Variants in ADCY8 observed in about 807,000 individuals in gnomAD.
ADCY8 encodes the protein adenylate cyclase type 8.
Under a neutral mutation model 119.7 loss-of-function variants are expected in ADCY8, and 51 were observed. That is an observed-to-expected ratio of 0.43 (90% CI 0.34 to 0.54). ADCY8 has a LOEUF of 0.54. Ranked by LOEUF, ADCY8 falls within the 20% of genes least tolerant of loss-of-function variation. ADCY8 has a pLI of 0.03. For missense variants in ADCY8, 1,383 were observed against 1,598.8 expected (o/e 0.87, Z 2.30); for synonymous variants, 665 against 651.0 (o/e 1.02, Z -0.33).
chr8:130,836,338 G>A lies in ADCY8; in HGVS notation c.2614C>T (p.Leu872Phe), dbSNP rs1276871579. Residue 872 changes from leucine to phenylalanine, a missense_variant, in exon 12 of 18, where the codon CTC (leucine) becomes TTC (phenylalanine). Around this residue, in one of 2 missense-constraint regions of ADCY8, gnomAD observed 928 missense variants for 1,163.5 expected, o/e 0.80. Transcript: ENST00000286355. ...LLIMIAIYALLTETVYAGLFL... is the reference protein window; with the variant it reads ...LLIMIAIYALFTETVYAGLFL... ...AGGCCTGCGTAGACGGTCTCAGTGA[G>A]CAGGGCATAGATGGCAATCATGATC... 1.9e-6 allele frequency: 3 copies of A among 1,613,838 alleles called. No homozygotes were observed. Among genetic ancestry groups the A allele is most frequent in the Admixed American group, 1.7e-5 (1 of 59,988 alleles).
chr8:130,970,490 A>G (rs941771490), intron 2 of ADCY8, among the ~76,000 whole-genome samples: 5 of 152,234 alleles, frequency 3.3e-5, no homozygotes, highest in South Asian at 4.1e-4. Context: ...CTGATTCTAC[A>G]TTATGGTGAC....
chr8:130,917,422 T>C (rs1820161712), intron 5 of ADCY8, among the ~76,000 whole-genome samples: 1 of 152,154 alleles, frequency 6.6e-6, no homozygotes, highest in African/African-American at 2.4e-5. Context: ...CCAAGCTGAA[T>C]GGTGTTTGGA....
chr8:130,838,453 G>A (rs1817051980), intron 11 of ADCY8, among the ~76,000 whole-genome samples: 1 of 152,152 alleles, frequency 6.6e-6, no homozygotes, highest in Admixed American at 6.5e-5. Context: ...TGTGTCTGAA[G>A]TGACTGGGCA....
chr8:130,810,912 C>T (rs1181003424), intron 14 of ADCY8, among the ~76,000 whole-genome samples: 1 of 152,140 alleles, frequency 6.6e-6, no homozygotes, highest in Admixed American at 6.5e-5. Context: ...CTCCACTGGT[C>T]CTATGTGCCT....
intron 14 of ADCY8, among the ~76,000 whole-genome samples, chr8:130,812,135 C>T (rs1358339492): frequency 6.6e-6 from 1 of 152,176 alleles, no homozygotes; most frequent in East Asian, 1.9e-4. Flanking sequence ...CTTGCCTGGG[C>T]CCTTTTAGAG....
intron 8 of ADCY8, among the ~76,000 whole-genome samples, chr8:130,869,921 TTCCTCC>T (rs142256411): frequency 6.8e-6 from 1 of 147,314 alleles, no homozygotes; most frequent in Non-Finnish European, 1.5e-5. Flanking sequence ...TACACTAAAA[TTCCTCC>T]TCCTCCTCCT....
intron 14 of ADCY8, among the ~76,000 whole-genome samples, chr8:130,803,060 C>T (rs1348751782): frequency 6.6e-6 from 1 of 152,200 alleles, no homozygotes; most frequent in Non-Finnish European, 1.5e-5. Flanking sequence ...TTTACTGGGA[C>T]CACCGCTGAG....
chr8:130,780,960 C>T (rs920861581), intron 17 of ADCY8, 83 bp from the exon 18 acceptor site: 5 of 1,546,260 alleles, frequency 3.2e-6, no homozygotes, highest in Admixed American at 3.5e-5. Context: ...GGACAGTGAT[C>T]ACTATGTGTG....
chr8:130,809,310 G>A (rs1219931139), intron 14 of ADCY8, among the ~76,000 whole-genome samples: 1 of 152,142 alleles, frequency 6.6e-6, no homozygotes, highest in Non-Finnish European at 1.5e-5. Context: ...TTCCTTCCCT[G>A]AGCCTCAGTT....
intron 2 of ADCY8, among the ~76,000 whole-genome samples, chr8:130,958,760 G>C (rs2130677219): frequency 6.6e-6 from 1 of 152,082 alleles, no homozygotes. Context: ...TACAATTCAA[G>C]GTGAGATTTG....
chr8:130,910,036 TGCCTCA>T (rs1198405357), intron 5 of ADCY8, among the ~76,000 whole-genome samples, 170 bp from the exon 6 acceptor site: 1 of 151,382 alleles, frequency 6.6e-6, no homozygotes, highest in Admixed American at 6.6e-5. Flanking sequence ...GCTATTCTCC[TGCCTCA>T]GCCTTGATGG....
At chr8:130,975,005 G>C (rs530786586) in intron 2 of ADCY8, among the ~76,000 whole-genome samples, 1 of 152,208 alleles carries the variant, frequency 6.6e-6, no homozygotes, top group East Asian at 1.9e-4. Flanking sequence ...TCTGACCTAT[G>C]CCCTTTATAA....
chr8:130,858,796 A>C (rs553630579), intron 9 of ADCY8, among the ~76,000 whole-genome samples: 2 of 152,308 alleles, frequency 1.3e-5, no homozygotes, highest in East Asian at 3.9e-4. Flanking sequence ...TTATAAATAA[A>C]TATTACATTG....
chr8:130,848,731 C>T (rs757606640), intron 10 of ADCY8, among the ~76,000 whole-genome samples: 1 of 152,166 alleles, frequency 6.6e-6, no homozygotes, highest in African/African-American at 2.4e-5. Flanking sequence ...TGGAACCAAA[C>T]AAATCACCTC....
intron 5 of ADCY8, 38 bp downstream of exon 5, chr8:130,937,035 T>A (rs1056375054): frequency 6.3e-7 from 1 of 1,588,052 alleles, no homozygotes; most frequent in Non-Finnish European, 8.6e-7. Flanking sequence ...ATCGTGCACA[T>A]TGAAGACCCA....
At chr8:130,915,568 C>T (rs1038149069) in intron 5 of ADCY8, among the ~76,000 whole-genome samples, 2 of 152,104 alleles carry the variant, frequency 1.3e-5, no homozygotes, top group African/African-American at 4.8e-5. Context: ...TCTCAGTCTT[C>T]CCAGGTGCAA....
intron 4 of ADCY8, among the ~76,000 whole-genome samples, chr8:130,937,586 C>G (rs1295051925): frequency 6.6e-6 from 1 of 152,162 alleles, no homozygotes; most frequent in Non-Finnish European, 1.5e-5. Flanking sequence ...TGTGAATTAA[C>G]AGCTTTCATC....
At chr8:130,831,645 C>T (rs948043270) in intron 12 of ADCY8, among the ~76,000 whole-genome samples, 5 of 152,046 alleles carry the variant, frequency 3.3e-5, no homozygotes, top group African/African-American at 1.2e-4. Context: ...TCAGTGTGGT[C>T]CAGATGAAGG....
At chr8:131,012,432 T>C (rs1353376799) in intron 1 of ADCY8, among the ~76,000 whole-genome samples, 2 of 152,146 alleles carry the variant, frequency 1.3e-5, no homozygotes, top group African/African-American at 2.4e-5. Flanking sequence ...GTCCCACTAA[T>C]CTTCCTTTTT....
Sources: gnomAD v4.1 joint callset for allele counts (sites outside exome capture counted in the v4.1 genomes callset) on GRCh38, gnomAD v4.1.1 for gene constraint, gnomAD v4.1.1 regional missense constraint, MANE v1.5 for transcripts, NCBI Gene and HGNC (gene_info 2026-07-23, HGNC 2026-07-21) for gene names.